LRP1: variants seen among roughly 807,000 people sequenced by gnomAD.
LRP1 encodes LDL receptor related protein 1.
Under a neutral mutation model 541.5 loss-of-function variants are expected in LRP1, and 51 were observed. The ratio of observed to expected loss-of-function variants is 0.09; its 90% confidence interval spans 0.08 to 0.12. LRP1 has a LOEUF of 0.12. Among genes scored for constraint, LRP1 ranks in the 10% least tolerant of loss-of-function variants. The pLI, the probability that LRP1 is intolerant of heterozygous loss-of-function variation, is 1.00. For synonymous variants in LRP1, 2,219 were observed against 2,470.8 expected, an observed-to-expected ratio of 0.90 and a Z score of 3.02; for missense variants, 3,878 against 6,376.2, an observed-to-expected ratio of 0.61 and a Z score of 13.34.
chr12:57,193,422 A>C (rs2036458117), intron 46 of LRP1, 118 bp downstream of exon 46: 2 of 1,512,262 alleles, frequency 1.3e-6, no homozygotes, highest in African/African-American at 2.7e-5. Context: ...GAGTTTTGGG[A>C]GCTCATGAAG....
chr12:57,199,911 C>T lies in LRP1; in HGVS notation c.9900C>T (p.Gly3300=). The T allele has an allele frequency of 6.3e-7, 1 of 1,595,616 alleles. No homozygotes were observed. Among genetic ancestry groups the T allele is most frequent in the East Asian group, 2.3e-5 (1 of 44,134 alleles). Residue 3300 remains glycine (G), a synonymous_variant, in exon 62 of 89, where the codon GGC becomes GGT. Coordinates refer to ENST00000243077, the MANE Select transcript of LRP1 (RefSeq NM_002332.3). ...PNHPCKVNNG[G]CSNLCLLSPG... The stretch of plus-strand genomic sequence containing the variant: ...ACCCCTGCAAGGTCAACAATGGTGG[C>T]TGCAGCAACCTGTGCCTGCTGTCCC...
rs745462082 is a variant in LRP1 at position 57,204,674 on chromosome 12, C to T, written c.11119C>T (p.Arg3707Cys). 1.9e-6 allele frequency: 3 copies of T among 1,614,014 alleles called. No homozygotes were observed. Among genetic ancestry groups the T allele is most frequent in the Non-Finnish European group, 1.7e-6 (2 of 1,180,032 alleles). ...PNRPFRCKND[R>C]VCLWIGRQCD... ...CCGGCCCTTCCGTTGCAAGAATGAC[C>T]GCGTCTGTCTGTGGATCGGGCGCCA... Residue 3707 changes from arginine to cysteine, a missense_variant, in exon 72 of 89, where the codon CGC becomes TGC. By Grantham distance (180) the Arg-to-Cys change is radical (BLOSUM62 -3). This residue lies in a region of LRP1 where 871 missense variants were observed against 1,212.4 expected (regional missense o/e 0.72). Coordinates refer to ENST00000243077, the MANE Select transcript of LRP1 (RefSeq NM_002332.3). The surrounding 1 kb of genome is among the most constrained non-coding windows in gnomAD (Gnocchi z 5.3).
intron 34 of LRP1, 25 bp downstream of exon 34, chr12:57,181,316 C>A (rs764671756): frequency 6.3e-7 from 1 of 1,599,602 alleles, no homozygotes; most frequent in Non-Finnish European, 8.5e-7. Context: ...TTCCTCCCAG[C>A]CTTGTCCCAG....
Position 57,208,826 on chromosome 12 carries a change from G to A in LRP1, c.12145+9G>A, listed in dbSNP as rs373812275. Reference sequence around the variant, plus strand: ...CATTCAGTGGCCCACAGGTTTGTGGGGCAGGGTGCAGGAGGGACGGGCATG... The same window carrying A: ...CATTCAGTGGCCCACAGGTTTGTGGAGCAGGGTGCAGGAGGGACGGGCATG... On this transcript the variant is annotated intron_variant, in intron 78 of 88. Transcript: ENST00000243077. 7.7e-5 allele frequency: 124 copies of A among 1,610,132 alleles called. 2 individuals carry two copies. In the African/African-American group the frequency reaches 1.3e-3, roughly 17 times the overall value.
intron 3 of LRP1, 47 bp from the exon 4 acceptor site, chr12:57,143,631 CT>C (rs1482459199): frequency 6.3e-7 from 1 of 1,588,490 alleles, no homozygotes; most frequent in African/African-American, 1.3e-5. Flanking sequence ...CTGCGTGGAG[CT>C]GCCAGATCTG....
In LRP1 at chr12:57,195,001, G is replaced by A. The variant is rs539458663; in HGVS notation, c.8208G>A (p.Glu2736=). 6.2e-7 allele frequency: 1 copy of A among 1,613,990 alleles called. No homozygotes were observed. ...DETHCNKFCS[E]AQFECQNHRC... ...CTGCCCCAGACAAGTTCTGCTCAGA[G>A]GCCCAGTTTGAGTGCCAGAACCATC... Residue 2736 remains glutamate, a synonymous_variant, in exon 51 of 89, where the codon GAG becomes GAA. Coordinates refer to ENST00000243077, the MANE Select transcript of LRP1 (RefSeq NM_002332.3).
At chr12:57,174,239 T>G (rs1483717224) in intron 22 of LRP1, among the ~76,000 whole-genome samples, 1 of 152,140 alleles carries the variant, frequency 6.6e-6, no homozygotes, top group Non-Finnish European at 1.5e-5. Context: ...GTTTGACAGA[T>G]GGGAGCACTG....
At position 57,211,186 on chromosome 12, in the gene LRP1, T is replaced by C; in HGVS notation, c.12927T>C (p.Ser4309=). 6.2e-7 allele frequency: 1 copy of C among 1,614,206 alleles called. No homozygotes were observed. The highest frequency in any genetic ancestry group is 8.5e-7 in the Non-Finnish European group (1 of 1,180,024). The change falls in exon 84 of 89, where the codon TCT becomes TCC. Residue 4309 remains serine, a synonymous_variant. Coordinates refer to ENST00000243077, the MANE Select transcript of LRP1 (RefSeq NM_002332.3). This position sits in a 1 kb window ranked among gnomAD's most constrained non-coding sequence, Gnocchi z 4.3. ...CCTCCCCAACCACAGGGCAGTGCTC[T>C]GGCTACTGTGAGAACTTTGGCACAT... ...LGDRCQYRQC[S]GYCENFGTCQ... is the part of the protein sequence containing the mutation.
intron 78 of LRP1, 111 bp downstream of exon 78, chr12:57,208,928 G>C (rs1478558723): frequency 8.9e-7 from 1 of 1,120,982 alleles, no homozygotes; most frequent in African/African-American, 1.5e-5. Flanking sequence ...CTTGGACTGG[G>C]GCAGGGCAGA....
At chr12:57,191,941 C>T (rs201548028) in intron 44 of LRP1, among the ~76,000 whole-genome samples, 3 of 8,512 alleles carry the variant, frequency 3.5e-4, no homozygotes, top group Non-Finnish European at 5.9e-4. Context: ...CACACACACA[C>T]CACATACACA....
intron 45 of LRP1, 65 bp downstream of exon 45, chr12:57,193,035 T>G (rs2036449824): frequency 1.9e-6 from 3 of 1,589,674 alleles, no homozygotes; most frequent in Non-Finnish European, 2.6e-6. Flanking sequence ...GGTGACCATC[T>G]CCCCTACATG....
intron 60 of LRP1, among the ~76,000 whole-genome samples, 185 bp from the exon 61 acceptor site, chr12:57,199,027 G>A (rs183154358): frequency 6.6e-6 from 1 of 152,230 alleles, no homozygotes; most frequent in Non-Finnish European, 1.5e-5. Flanking sequence ...AGGCAGTCTA[G>A]GTTTGAACTC....
chr12:57,152,235 G>T (rs1416039281), intron 6 of LRP1, among the ~76,000 whole-genome samples: 1 of 152,054 alleles, frequency 6.6e-6, no homozygotes, highest in African/African-American at 2.4e-5. Context: ...GGGAGCAGGG[G>T]CAGGGTATTG....
At chr12:57,202,135 C>A (rs944934939) in intron 67 of LRP1, among the ~76,000 whole-genome samples, 2 of 152,034 alleles carry the variant, frequency 1.3e-5, no homozygotes, top group Non-Finnish European at 2.9e-5. Flanking sequence ...CCCCTGCCCA[C>A]GCCTCATCCA....
chr12:57,203,258 G>A lies in LRP1; in HGVS notation c.10789G>A (p.Asp3597Asn). 6.2e-7 allele frequency: 1 copy of A among 1,610,876 alleles called. No individual in the cohort carries two copies. The highest frequency in any genetic ancestry group is 8.5e-7 in the Non-Finnish European group (1 of 1,178,232). Reference protein sequence around the residue: ...CIAGRWKCDGDHDCADGSDEK... With the variant: ...CIAGRWKCDGNHDCADGSDEK... ...CGCGGGGCGCTGGAAATGCGATGGAGACCACGACTGCGCGGACGGCTCGGA... is the reference window on the plus strand; with the variant it reads ...CGCGGGGCGCTGGAAATGCGATGGAAACCACGACTGCGCGGACGGCTCGGA... The change falls in exon 69 of 89, where the codon GAC (aspartate) becomes AAC (asparagine). Residue 3597 changes from aspartate to asparagine, a missense_variant. Physicochemically the swap from Asp to Asn is conservative, Grantham distance 23. Coordinates refer to ENST00000243077, the MANE Select transcript of LRP1 (RefSeq NM_002332.3).
rs1043846128 is a variant in LRP1, at chr12:57,158,331, G to A, written c.1562-71G>A. ...CACAGCTAGGGCATTGCAGCCCCTTGGCCGCAGCCCCTGGGTGGGGATGAT... is the reference window on the plus strand; with the variant it reads ...CACAGCTAGGGCATTGCAGCCCCTTAGCCGCAGCCCCTGGGTGGGGATGAT... On this transcript the variant is annotated intron_variant, in intron 10 of 88. Transcript: ENST00000243077. The surrounding 1 kb of genome is among the most constrained non-coding windows in gnomAD (Gnocchi z 5.3). The A allele has an allele frequency of 7.0e-6, 9 of 1,292,186 alleles. 1 individual carries two copies. The Admixed American group carries it at 1.6e-4, about 22-fold the overall frequency. 80.0% of individuals were successfully genotyped at this position (1,292,186 alleles called of 1,614,324 possible).
intron 1 of LRP1, among the ~76,000 whole-genome samples, chr12:57,130,490 C>T (rs973587688): frequency 2.0e-5 from 3 of 151,426 alleles, no homozygotes; most frequent in Admixed American, 1.3e-4. Context: ...CTCCAGATGC[C>T]GCACAGCCGG....
rs938077767 is a variant in LRP1 at position 57,187,550 on chromosome 12, G to T, written c.7031+94G>T. 6 of 1,282,176 alleles carry T rather than the reference G, an allele frequency of 4.7e-6. No homozygotes were observed. In the East Asian group the frequency reaches 1.5e-4, roughly 32 times the overall value. The allele number at this position is 1,282,176 out of a possible 1,614,324, so 79.4% of individuals were successfully genotyped here. On this transcript the variant is annotated intron_variant, in intron 42 of 88. Coordinates refer to ENST00000243077, the MANE Select transcript of LRP1 (RefSeq NM_002332.3). ...CAGATCCAAGCGGGGGTGCAGGAGA[G>T]GCAGGCCCTCACTTGAGCTCCACCC...
At chr12:57,180,011 G>A (rs1365371997) in intron 30 of LRP1, 36 bp from the exon 31 acceptor site, 2 of 1,613,552 alleles carry the variant, frequency 1.2e-6, no homozygotes, top group East Asian at 2.2e-5. Flanking sequence ...GGAAGAAGAG[G>A]ACCCTGACCT....
Sources: gnomAD v4.1 joint callset for allele counts (sites outside exome capture counted in the v4.1 genomes callset) on GRCh38, gnomAD v4.1.1 for gene constraint, gnomAD v4.1.1 regional missense constraint, Gnocchi (gnomAD v3.1) non-coding constraint, MANE v1.5 for transcripts, NCBI Gene and HGNC (gene_info 2026-07-23, HGNC 2026-07-21) for gene names.